The following P4HA2 variants were observed in gnomAD, a reference collection of about 807,000 sequenced individuals.
P4HA2 encodes the protein prolyl 4-hydroxylase subunit alpha-2.
P4HA2 carries 46 observed loss-of-function variants against 76.9 expected under a neutral mutation model. That is an observed-to-expected ratio of 0.60 (90% confidence interval 0.47 to 0.76). The LOEUF (loss-of-function observed/expected upper bound fraction) is 0.76, where lower values mean the gene tolerates loss of function less well. P4HA2 is among the 30% of genes least tolerant of loss of function. The probability of loss-of-function intolerance (pLI) is 0.00; values close to 1 mark genes in which losing one functional copy is unlikely to be tolerated. For synonymous variants in P4HA2, 243 were observed against 254.0 expected (o/e 0.96, Z 0.41); for missense variants, 583 against 669.4 (o/e 0.87, Z 1.42).
chr5:132,205,624 G>A (rs189335597), intron 8 of P4HA2, among the ~76,000 whole-genome samples: 22 of 152,308 alleles, frequency 1.4e-4, no homozygotes, highest in Non-Finnish European at 2.9e-4. Context: ...AGAAGGGATG[G>A]AGAGGAGTAG....
intron 2 of P4HA2, 139 bp from the exon 3 acceptor site, chr5:132,217,987 T>C (rs1486787702): frequency 6.8e-6 from 4 of 584,832 alleles, no homozygotes; most frequent in South Asian, 2.3e-5. Flanking sequence ...TATGGGGACT[T>C]GGAGTTAAAG....
Position 132,192,915 on chromosome 5 carries a change from A to T in P4HA2, c.*95T>A. 1.2e-6 allele frequency: 1 copy of T among 835,796 alleles called. No individual in the cohort carries two copies. The highest frequency in any genetic ancestry group is 2.1e-6 in the Non-Finnish European group (1 of 479,724). The allele number at this position is 835,796 out of a possible 1,614,324, so 51.8% of individuals were successfully genotyped here. On this transcript the variant is annotated 3_prime_UTR_variant, in exon 15 of 15. Transcript: ENST00000360568. ...CAGACAAACATTCATTTCTCCAAAA[A>T]TCAGCCTGATAGGAACATACAAAGG...
chr5:132,197,819 G>A (rs1217363159), intron 12 of P4HA2: 1 of 181,278 alleles, frequency 5.5e-6, no homozygotes, highest in Middle Eastern at 2.6e-3. Flanking sequence ...TTGCTTAATG[G>A]GTAGAGTTTC....
chr5:132,214,145 G>C lies in P4HA2; in HGVS notation c.332-92C>G. 3.0e-6 allele frequency: 4 copies of C among 1,342,054 alleles called. No individual in the cohort carries two copies. In the South Asian group the frequency reaches 4.1e-5, roughly 14 times the overall value. The allele number at this position is 1,342,054 out of a possible 1,614,324, so 83.1% of individuals were successfully genotyped here. On this transcript the variant is annotated intron_variant, in intron 4 of 14. Transcript: ENST00000360568. ...AGAGGCAGCCACAAAGAGGGTCTCT[G>C]GCTAGTGAAATTTCCCCGCCCCCTC... is the stretch of plus-strand genomic sequence containing the variant.
In P4HA2 at chr5:132,207,877, C is replaced by T. The variant is rs202117062; in HGVS notation, c.911G>A (p.Arg304His). ...CCTACAGAAAAGCCTCTTCTGTCTA[C>T]GGGGTGTCTGGAAAGCACAGAGTAA... ...CRGEGVKLTP[R>H]RQKRLFCRYH... Residue 304 changes from arginine to histidine, a missense_variant, in exon 8 of 15, where the codon CGT (arginine) becomes CAT (histidine). Arg to His is a conservative substitution (Grantham distance 29). Transcript: ENST00000360568. 51 of 1,572,562 alleles carry T rather than the reference C, an allele frequency of 3.2e-5. No individual in the cohort carries two copies. The highest frequency in any genetic ancestry group is 6.0e-5 in the South Asian group (5 of 82,704).
chr5:132,198,727 AG>A, intron 11 of P4HA2, 151 bp downstream of exon 11: 1 of 650,206 alleles, frequency 1.5e-6, no homozygotes, highest in South Asian at 1.9e-5. Context: ...GGGATTCACC[AG>A]TAACGAAGAG....
At chr5:132,221,559 A>G (rs1317722418) in intron 1 of P4HA2, among the ~76,000 whole-genome samples, 2 of 152,232 alleles carry the variant, frequency 1.3e-5, no homozygotes, top group African/African-American at 4.8e-5. Flanking sequence ...GTGGGCCCCA[A>G]TAATATGCAC....
At chr5:132,197,608 C>CAAAAAAAAAAAAA (rs555319735) in intron 12 of P4HA2, among the ~76,000 whole-genome samples, 3 of 55,182 alleles carry the variant, frequency 5.4e-5, no homozygotes, top group Non-Finnish European at 7.2e-5. Context: ...ACTCCATCTC[C>CAAAAAAAAAAAAA]AAAAAAAAAA....
chr5:132,216,626 T>C (rs1326383225), intron 4 of P4HA2, among the ~76,000 whole-genome samples: 2 of 152,194 alleles, frequency 1.3e-5, no homozygotes, highest in East Asian at 1.9e-4. Context: ...TACCAACAGA[T>C]ATGCTTTGTT....
chr5:132,209,218 C>T lies in P4HA2; in HGVS notation c.823G>A (p.Gly275Ser). 1.9e-6 allele frequency: 3 copies of T among 1,614,010 alleles called. No homozygotes were observed. The highest frequency in any genetic ancestry group is 2.5e-6 in the Non-Finnish European group (3 of 1,179,918). ...QTEAELATPE[G>S]IYERPVDYLP... ...TAGTCCACAGGCCTCTCATAGATGCCTTCTGGGGTTGCTAGCTCAGCTTCT... is the reference window on the plus strand; with the variant it reads ...TAGTCCACAGGCCTCTCATAGATGCTTTCTGGGGTTGCTAGCTCAGCTTCT... The change falls in exon 7 of 15, where the codon GGC becomes AGC. Residue 275 changes from glycine to serine, a missense_variant. Gly to Ser is a moderately conservative substitution (Grantham distance 56). Coordinates refer to ENST00000360568, the MANE Select transcript of P4HA2 (RefSeq NM_001017974.2).
Position 132,192,460 on chromosome 5 carries a change from T to G in P4HA2, c.*550A>C, listed in dbSNP as rs3805685. On this transcript the variant is annotated 3_prime_UTR_variant, in exon 15 of 15. Coordinates refer to ENST00000360568, the MANE Select transcript of P4HA2 (RefSeq NM_001017974.2). ...CACTGACACTTAGAGGGAACACAAG[T>G]GTTGAAACCAGGTCTGAAATCCAAG... The G allele has an allele frequency of 0.037, 5,729 of 152,778 alleles. 172 individuals carry two copies. Among genetic ancestry groups the G allele is most frequent in the East Asian group, 0.097 (519 of 5,328 alleles). 9.5% of individuals were successfully genotyped at this position (152,778 alleles called of 1,614,324 possible).
chr5:132,204,138 G>T lies in P4HA2; in HGVS notation c.1095C>A (p.Thr365=), dbSNP rs376792903. The stretch of plus-strand genomic sequence containing the variant: ...GGACTCCTGTCTTGGGATCACGAAC[G>T]GTGGCTCGTGCAAGCTAGAAGGAAG... The part of the protein sequence containing the change: ...EIAKPKLARA[T]VRDPKTGVLT... Residue 365 remains threonine (T), a synonymous_variant, in exon 9 of 15, where the codon ACC becomes ACA. Transcript: ENST00000360568. The T allele has an allele frequency of 1.9e-6, 3 of 1,613,018 alleles. No homozygotes were observed. In the Admixed American group the frequency reaches 5.0e-5, roughly 27 times the overall value.
chr5:132,217,793 CT>C lies in P4HA2; in HGVS notation c.137del (p.Glu46GlyfsTer23), dbSNP rs1561493669. 1.2e-6 allele frequency: 2 copies of C among 1,613,302 alleles called. No individual in the cohort carries two copies. Among genetic ancestry groups the C allele is most frequent in the Non-Finnish European group, 1.7e-6 (2 of 1,179,250 alleles). Reference sequence around the variant, plus strand: ...GCTTGGCTTCCTCCACAAGGATGTACTCTTTCAGAGACTGCACCAGCTCTTT... The same window carrying C: ...GCTTGGCTTCCTCCACAAGGATGTACCTTTCAGAGACTGCACCAGCTCTTT... ...AEKELVQSLKEYILVEEAKLS... is the reference protein window; with the variant it reads ...AEKELVQSLKXYILVEEAKLS... On this transcript the variant is annotated frameshift_variant, in exon 3 of 15. Coordinates refer to ENST00000360568, the MANE Select transcript of P4HA2 (RefSeq NM_001017974.2). LOFTEE classifies it high-confidence loss of function.
intron 12 of P4HA2, among the ~76,000 whole-genome samples, chr5:132,197,097 G>T (rs1383711369): frequency 6.6e-6 from 1 of 152,186 alleles, no homozygotes; most frequent in Admixed American, 6.5e-5. Context: ...GCTCTCAGCA[G>T]AGGGGAGAGG....
At position 132,198,387 on chromosome 5, in the gene P4HA2, C is replaced by G; in HGVS notation, c.1306-7G>C. Reference sequence around the variant, plus strand: ...GGCCGCTGTCAAAAGGTCGCTGCAACAGACAACAACTTTCACCCAAGTTTA... The same window carrying G: ...GGCCGCTGTCAAAAGGTCGCTGCAAGAGACAACAACTTTCACCCAAGTTTA... On this transcript the variant is annotated splice_polypyrimidine_tract_variant and splice_region_variant and intron_variant, in intron 11 of 14. Coordinates refer to ENST00000360568, the MANE Select transcript of P4HA2 (RefSeq NM_001017974.2). 6.2e-7 allele frequency: 1 copy of G among 1,612,706 alleles called. No individual in the cohort carries two copies. Among genetic ancestry groups the G allele is most frequent in the South Asian group, 1.1e-5 (1 of 90,988 alleles).
At chr5:132,206,491 C>T (rs17618604) in intron 8 of P4HA2, among the ~76,000 whole-genome samples, 10,878 of 152,242 alleles carry the variant, frequency 0.071, 550 homozygotes, top group Non-Finnish European at 0.11. Context: ...CTGGTCACCT[C>T]GGCCCCTACA....
intron 12 of P4HA2, among the ~76,000 whole-genome samples, chr5:132,195,899 C>A (rs1750564336): frequency 1.3e-5 from 2 of 152,234 alleles, no homozygotes; most frequent in Admixed American, 1.3e-4. Context: ...GTCCCCACTG[C>A]AGCTCTGTTT....
At chr5:132,206,494 C>T (rs1752234212) in intron 8 of P4HA2, among the ~76,000 whole-genome samples, 1 of 152,182 alleles carries the variant, frequency 6.6e-6, no homozygotes, top group Admixed American at 6.5e-5. Context: ...GTCACCTCGG[C>T]CCCTACAATT....
At chr5:132,203,872 A>G (rs1258345271) in intron 9 of P4HA2, 25 bp from the exon 10 acceptor site, 1 of 1,560,202 alleles carries the variant, frequency 6.4e-7, no homozygotes, top group Non-Finnish European at 8.8e-7. Context: ...AAGGGCAGAG[A>G]AAAGAAGACG....
Sources: gnomAD v4.1 joint callset for allele counts (sites outside exome capture counted in the v4.1 genomes callset) on GRCh38, gnomAD v4.1.1 for gene constraint, MANE v1.5 for transcripts, NCBI Gene and HGNC (gene_info 2026-07-23, HGNC 2026-07-21) for gene names.